KRTAP19-6: variants seen among roughly 807,000 people sequenced by gnomAD.
KRTAP19-6 encodes the protein keratin associated protein 19-6.
For synonymous variants in KRTAP19-6, 20 were observed against 27.5 expected, an observed-to-expected ratio of 0.73 and a Z score of 0.85; for missense variants, 70 against 70.3, an observed-to-expected ratio of 1.00 and a Z score of 0.02.
rs750306456 is a variant in KRTAP19-6 at position 30,541,704 on chromosome 21, A to G, written c.130T>C (p.Cys44Arg). 4.2e-5 allele frequency: 68 copies of G among 1,613,706 alleles called. No individual in the cohort carries two copies. Among genetic ancestry groups the G allele is most frequent in the Non-Finnish European group, 5.6e-5 (66 of 1,179,686 alleles). ...TATCCTTCACGGCATGATGGGCGGC[A>G]GCAGCCATATCTATAGCCTCCATAG... ...SGYGGYRYGCCRPSCREGYGF... is the reference protein window; with the variant it reads ...SGYGGYRYGCRRPSCREGYGF... Residue 44 changes from cysteine to arginine, a missense_variant, in exon 1 of 1, where the codon TGC (cysteine) becomes CGC (arginine). Coordinates refer to ENST00000334046, the MANE Select transcript of KRTAP19-6 (RefSeq NM_181612.3).
Position 30,541,783 on chromosome 21 carries a change from G to A in KRTAP19-6, c.51C>T (p.Gly17=). The part of the protein sequence containing the change: ...YYRGLGYGCG[G]FGGLGYGCGC... ...CACAGCCATAGCCCAGACCACCAAA[G>A]CCTCCACAGCCATATCCCAGGCCTC... is the stretch of plus-strand genomic sequence containing the variant. Residue 17 remains glycine (G), a synonymous_variant, in exon 1 of 1, where the codon GGC becomes GGT. Coordinates refer to ENST00000334046, the MANE Select transcript of KRTAP19-6 (RefSeq NM_181612.3). 6.2e-7 allele frequency: 1 copy of A among 1,614,062 alleles called. No homozygotes were observed. Among genetic ancestry groups the A allele is most frequent in the Non-Finnish European group, 8.5e-7 (1 of 1,180,000 alleles).
In KRTAP19-6 at chr21:30,541,797, A is replaced by G; in HGVS notation, c.37T>C (p.Tyr13His). Residue 13 changes from tyrosine (Y) to histidine (H), a missense_variant, in exon 1 of 1, where the codon TAT becomes CAT. Physicochemically the swap from Tyr to His is moderately conservative, Grantham distance 83. Coordinates refer to ENST00000334046, the MANE Select transcript of KRTAP19-6 (RefSeq NM_181612.3). ...AGACCACCAAAGCCTCCACAGCCAT[A>G]TCCCAGGCCTCTGTAGTAGCTGCCA... is the stretch of plus-strand genomic sequence containing the variant. ...YYGSYYRGLG[Y>H]GCGGFGGLGY... The G allele has an allele frequency of 1.2e-6, 2 of 1,614,136 alleles. No homozygotes were observed. The highest frequency in any genetic ancestry group is 3.3e-4 in the Middle Eastern group (2 of 6,062).
rs115563631 is a variant in KRTAP19-6 at position 30,541,694 on chromosome 21, G to A, written c.140C>T (p.Ser47Leu). 2,980 of 1,613,668 alleles carry A rather than the reference G, an allele frequency of 1.8e-3. 48 individuals are homozygous for A. The African/African-American group carries it at 0.035, about 19-fold the overall frequency. The part of the protein sequence containing the change: ...GGYRYGCCRP[S>L]CREGYGFSGF... ...AGAGAATCCATATCCTTCACGGCAT[G>A]ATGGGCGGCAGCAGCCATATCTATA... Residue 47 changes from serine to leucine, a missense_variant, in exon 1 of 1, where the codon TCA becomes TTA. Physicochemically the swap from Ser to Leu is moderately radical, Grantham distance 145. Transcript: ENST00000334046.
chr21:30,541,771 C>T lies in KRTAP19-6; in HGVS notation c.63G>A (p.Leu21=), dbSNP rs1288092438. The T allele has an allele frequency of 6.2e-7, 1 of 1,613,912 alleles. No individual in the cohort carries two copies. The highest frequency in any genetic ancestry group is 8.5e-7 in the Non-Finnish European group (1 of 1,179,970). ...LGYGCGGFGG[L]GYGCGCGGYR... ...AGCCTCCACAGCCACAGCCATAGCC[C>T]AGACCACCAAAGCCTCCACAGCCAT... Residue 21 remains leucine, a synonymous_variant, in exon 1 of 1, where the codon CTG becomes CTA. Transcript: ENST00000334046.
Position 30,541,652 on chromosome 21 carries a change from G to GT in KRTAP19-6, c.*4dup, listed in dbSNP as rs902432481. The GT allele has an allele frequency of 2.0e-6, 3 of 1,524,196 alleles. No homozygotes were observed. The highest frequency in any genetic ancestry group is 2.4e-5 in the East Asian group (1 of 42,186). The allele number at this position is 1,524,196 out of a possible 1,614,324, so 94.4% of individuals were successfully genotyped here. ...GGAGTTAGAGTATGAGAATCAGCAAGTTTTTTAGTAGAATCCAGAGAATCC... is the reference window on the plus strand; with the variant it reads ...GGAGTTAGAGTATGAGAATCAGCAAGTTTTTTTAGTAGAATCCAGAGAATCC... On this transcript the variant is annotated 3_prime_UTR_variant, in exon 1 of 1. Coordinates refer to ENST00000334046, the MANE Select transcript of KRTAP19-6 (RefSeq NM_181612.3).
chr21:30,541,545 G>T lies in KRTAP19-6; in HGVS notation c.*112C>A. ...AAAAACTGATGGCTAGTTCCTTCTGGAGCATGAAGCCAAAAAATGGTAGGT... is the reference window on the plus strand; with the variant it reads ...AAAAACTGATGGCTAGTTCCTTCTGTAGCATGAAGCCAAAAAATGGTAGGT... On this transcript the variant is annotated 3_prime_UTR_variant, in exon 1 of 1. Transcript: ENST00000334046. The T allele has an allele frequency of 9.9e-7, 1 of 1,009,338 alleles. No homozygotes were observed. The highest frequency in any genetic ancestry group is 1.5e-6 in the Non-Finnish European group (1 of 657,004). The allele number at this position is 1,009,338 out of a possible 1,614,324, so 62.5% of individuals were successfully genotyped here.
In KRTAP19-6 at chr21:30,541,665, A is replaced by G. The variant is rs779804297; in HGVS notation, c.169T>C (p.Phe57Leu). ...GAGAATCAGCAAGTTTTTTAGTAGA[A>G]TCCAGAGAATCCATATCCTTCACGG... ...SCREGYGFSG[F>L]Y is the part of the protein sequence containing the mutation. Residue 57 changes from phenylalanine to leucine, a missense_variant, in exon 1 of 1, where the codon TTC (phenylalanine) becomes CTC (leucine). Coordinates refer to ENST00000334046, the MANE Select transcript of KRTAP19-6 (RefSeq NM_181612.3). 1 of 1,612,760 alleles carries G rather than the reference A, an allele frequency of 6.2e-7. No individual in the cohort carries two copies. Among genetic ancestry groups the G allele is most frequent in the Non-Finnish European group, 8.5e-7 (1 of 1,179,308 alleles).
In KRTAP19-6 at chr21:30,541,852, T is replaced by C; in HGVS notation, c.-19A>G. 1.2e-6 allele frequency: 2 copies of C among 1,605,512 alleles called. No homozygotes were observed. Among genetic ancestry groups the C allele is most frequent in the Non-Finnish European group, 1.7e-6 (2 of 1,174,246 alleles). ...ATCTCATGGTGTCAGGGACTAGAGA[T>C]TCAGTTCAATGCTAATGATGAGTTT... On this transcript the variant is annotated 5_prime_UTR_variant, in exon 1 of 1. Transcript: ENST00000334046.
rs1978768108 is a variant in KRTAP19-6, at chr21:30,541,557, A to G, written c.*100T>C. 1 of 1,272,040 alleles carries G rather than the reference A, an allele frequency of 7.9e-7. No homozygotes were observed. Among genetic ancestry groups the G allele is most frequent in the African/African-American group, 1.5e-5 (1 of 67,060 alleles). The allele number at this position is 1,272,040 out of a possible 1,614,324, so 78.8% of individuals were successfully genotyped here. A position where few individuals can be genotyped will look rare whatever the true frequency, so the allele number is the denominator to read the frequency against. On this transcript the variant is annotated 3_prime_UTR_variant, in exon 1 of 1. Transcript: ENST00000334046. ...CTAGTTCCTTCTGGAGCATGAAGCCAAAAAATGGTAGGTATTTTCTCTACA... is the reference window on the plus strand; with the variant it reads ...CTAGTTCCTTCTGGAGCATGAAGCCGAAAAATGGTAGGTATTTTCTCTACA...
At position 30,541,568 on chromosome 21, in the gene KRTAP19-6, G is replaced by C. The variant is rs113948657; in HGVS notation, c.*89C>G. ...TGGAGCATGAAGCCAAAAAATGGTA[G>C]GTATTTTCTCTACATTGAGAAAAGT... On this transcript the variant is annotated 3_prime_UTR_variant, in exon 1 of 1. Transcript: ENST00000334046. 514 of 1,360,882 alleles carry C rather than the reference G, an allele frequency of 3.8e-4. 2 individuals are homozygous for C. The African/African-American group carries it at 6.7e-3, about 18-fold the overall frequency. 84.3% of individuals were successfully genotyped at this position (1,360,882 alleles called of 1,614,324 possible). A position where few individuals can be genotyped will look rare whatever the true frequency, so the allele number is the denominator to read the frequency against.
In KRTAP19-6 at chr21:30,541,711, A is replaced by G. The variant is rs779671366; in HGVS notation, c.123T>C (p.Tyr41=). The G allele has an allele frequency of 1.5e-5, 24 of 1,613,722 alleles. No individual in the cohort carries two copies. Among genetic ancestry groups the G allele is most frequent in the East Asian group, 4.5e-5 (2 of 44,888 alleles). Reference sequence around the variant, plus strand: ...CACGGCATGATGGGCGGCAGCAGCCATATCTATAGCCTCCATAGCCAGAGC... The same window carrying G: ...CACGGCATGATGGGCGGCAGCAGCCGTATCTATAGCCTCCATAGCCAGAGC... ...RYGSGYGGYR[Y]GCCRPSCREG... Residue 41 remains tyrosine (Y), a synonymous_variant, in exon 1 of 1, where the codon TAT becomes TAC. Transcript: ENST00000334046.
chr21:30,541,675 T>C lies in KRTAP19-6; in HGVS notation c.159A>G (p.Gly53=). The stretch of plus-strand genomic sequence containing the variant: ...AAGTTTTTTAGTAGAATCCAGAGAA[T>C]CCATATCCTTCACGGCATGATGGGC... ...CCRPSCREGY[G]FSGFY is the part of the protein sequence containing the mutation. Residue 53 remains glycine (G), a synonymous_variant, in exon 1 of 1, where the codon GGA becomes GGG. Transcript: ENST00000334046. 1 of 1,613,324 alleles carries C rather than the reference T, an allele frequency of 6.2e-7. No individual in the cohort carries two copies. The highest frequency in any genetic ancestry group is 8.5e-7 in the Non-Finnish European group (1 of 1,179,516).
rs776953070 is a variant in KRTAP19-6 at position 30,541,856 on chromosome 21, G to A, written c.-23C>T. The A allele has an allele frequency of 6.3e-7, 1 of 1,597,478 alleles. No individual in the cohort carries two copies. The highest frequency in any genetic ancestry group is 1.7e-4 in the Middle Eastern group (1 of 5,968). On this transcript the variant is annotated 5_prime_UTR_variant, in exon 1 of 1. Coordinates refer to ENST00000334046, the MANE Select transcript of KRTAP19-6 (RefSeq NM_181612.3). ...CATGGTGTCAGGGACTAGAGATTCA[G>A]TTCAATGCTAATGATGAGTTTCCTG...
Position 30,541,582 on chromosome 21 carries a change from A to G in KRTAP19-6, c.*75T>C, listed in dbSNP as rs759676115. Reference sequence around the variant, plus strand: ...AAAAAATGGTAGGTATTTTCTCTACATTGAGAAAAGTGTTCGCCTTGCTGA... The same window carrying G: ...AAAAAATGGTAGGTATTTTCTCTACGTTGAGAAAAGTGTTCGCCTTGCTGA... On this transcript the variant is annotated 3_prime_UTR_variant, in exon 1 of 1. Transcript: ENST00000334046. 1.1e-5 allele frequency: 17 copies of G among 1,489,342 alleles called. No homozygotes were observed. Among genetic ancestry groups the G allele is most frequent in the African/African-American group, 5.6e-5 (4 of 71,826 alleles). The allele number at this position is 1,489,342 out of a possible 1,614,324, so 92.3% of individuals were successfully genotyped here. A position where few individuals can be genotyped will look rare whatever the true frequency, so the allele number is the denominator to read the frequency against.
chr21:30,541,585 G>T lies in KRTAP19-6; in HGVS notation c.*72C>A. 6.6e-7 allele frequency: 1 copy of T among 1,517,592 alleles called. No homozygotes were observed. Among genetic ancestry groups the T allele is most frequent in the Non-Finnish European group, 9.1e-7 (1 of 1,095,668 alleles). 94.0% of individuals were successfully genotyped at this position (1,517,592 alleles called of 1,614,324 possible). A position where few individuals can be genotyped will look rare whatever the true frequency, so the allele number is the denominator to read the frequency against. ...AAATGGTAGGTATTTTCTCTACATT[G>T]AGAAAAGTGTTCGCCTTGCTGAAGC... On this transcript the variant is annotated 3_prime_UTR_variant, in exon 1 of 1. Coordinates refer to ENST00000334046, the MANE Select transcript of KRTAP19-6 (RefSeq NM_181612.3).
rs997229060 is a variant in KRTAP19-6, at chr21:30,541,758, C to T, written c.76G>A (p.Gly26Ser). The change falls in exon 1 of 1, where the codon GGC (glycine) becomes AGC (serine). Residue 26 changes from glycine (G) to serine (S), a missense_variant. Physicochemically the swap from Gly to Ser is moderately conservative, Grantham distance 56. Coordinates refer to ENST00000334046, the MANE Select transcript of KRTAP19-6 (RefSeq NM_181612.3). ...GGFGGLGYGC[G>S]CGGYRYGSGY... ...GAGCCATATCTGTAGCCTCCACAGC[C>T]ACAGCCATAGCCCAGACCACCAAAG... The T allele has an allele frequency of 6.2e-6, 10 of 1,613,868 alleles. No homozygotes were observed. The highest frequency in any genetic ancestry group is 8.5e-6 in the Non-Finnish European group (10 of 1,179,902).
chr21:30,541,674 A>G lies in KRTAP19-6; in HGVS notation c.160T>C (p.Phe54Leu), dbSNP rs749770527. ...CRPSCREGYG[F>L]SGFY ...CAAGTTTTTTAGTAGAATCCAGAGA[A>G]TCCATATCCTTCACGGCATGATGGG... The change falls in exon 1 of 1, where the codon TTC becomes CTC. Residue 54 changes from phenylalanine to leucine, a missense_variant. Coordinates refer to ENST00000334046, the MANE Select transcript of KRTAP19-6 (RefSeq NM_181612.3). 4.3e-6 allele frequency: 7 copies of G among 1,613,286 alleles called. No individual in the cohort carries two copies. The African/African-American group carries it at 5.3e-5, about 12-fold the overall frequency.
Position 30,541,757 on chromosome 21 carries a change from C to T in KRTAP19-6, c.77G>A (p.Gly26Asp). 1 of 1,614,070 alleles carries T rather than the reference C, an allele frequency of 6.2e-7. No individual in the cohort carries two copies. The highest frequency in any genetic ancestry group is 1.1e-5 in the South Asian group (1 of 91,068). The change falls in exon 1 of 1, where the codon GGC becomes GAC. Residue 26 changes from glycine to aspartate, a missense_variant. Transcript: ENST00000334046. The stretch of plus-strand genomic sequence containing the variant: ...AGAGCCATATCTGTAGCCTCCACAG[C>T]CACAGCCATAGCCCAGACCACCAAA... ...GGFGGLGYGC[G>D]CGGYRYGSGY...
rs1313518134 is a variant in KRTAP19-6 at position 30,541,693 on chromosome 21, T to C, written c.141A>G (p.Ser47=). 4 of 1,613,702 alleles carry C rather than the reference T, an allele frequency of 2.5e-6. No individual in the cohort carries two copies. The highest frequency in any genetic ancestry group is 3.4e-6 in the Non-Finnish European group (4 of 1,179,732). The change falls in exon 1 of 1, where the codon TCA becomes TCG. Residue 47 remains serine, a synonymous_variant. Transcript: ENST00000334046. Reference sequence around the variant, plus strand: ...CAGAGAATCCATATCCTTCACGGCATGATGGGCGGCAGCAGCCATATCTAT... The same window carrying C: ...CAGAGAATCCATATCCTTCACGGCACGATGGGCGGCAGCAGCCATATCTAT... ...GGYRYGCCRP[S]CREGYGFSGF...
Sources: gnomAD v4.1 joint callset for allele counts on GRCh38, gnomAD v4.1.1 for gene constraint, MANE v1.5 for transcripts, NCBI Gene and HGNC (gene_info 2026-07-23, HGNC 2026-07-21) for gene names.